Variants in PCDH15 observed in about 807,000 individuals in gnomAD.
PCDH15 encodes protocadherin related 15.
Under a neutral mutation model 178.5 loss-of-function variants are expected in PCDH15, and 129 were observed. The observed-to-expected ratio is 0.72, with a 90% confidence interval of 0.63 to 0.84. PCDH15 has a LOEUF of 0.84. Among genes scored for constraint, PCDH15 ranks in the 40% least tolerant of loss-of-function variants. The pLI is 0.00. For synonymous variants in PCDH15, 800 were observed against 732.0 expected (o/e 1.09, Z -1.50); for missense variants, 2,230 against 2,099.9 (o/e 1.06, Z -1.21).
At chr10:54,394,768 G>T (rs776498591) in intron 3 of PCDH15, among the ~76,000 whole-genome samples, 4 of 152,098 alleles carry the variant, frequency 2.6e-5, no homozygotes, top group Non-Finnish European at 5.9e-5. Flanking sequence ...TTTCATCCCT[G>T]CAGCCTCAAC....
upstream of PCDH15, among the ~76,000 whole-genome samples, chr10:54,802,975 T>C (rs1156743372): frequency 1.3e-5 from 2 of 152,152 alleles, no homozygotes; most frequent in Non-Finnish European, 2.9e-5. Flanking sequence ...AATTACAATA[T>C]CTAGTTTTCA....
At chr10:55,175,840 C>T (rs148527155) in intron 1 of PCDH15, among the ~76,000 whole-genome samples, 355 of 151,750 alleles carry the variant, frequency 2.3e-3, no homozygotes, top group African/African-American at 8.1e-3. Flanking sequence ...GTTTGCAAAC[C>T]CCAGAATCCC....
At chr10:55,250,045 G>A (rs1197109434) in intron 1 of PCDH15, among the ~76,000 whole-genome samples, 1 of 152,062 alleles carries the variant, frequency 6.6e-6, no homozygotes, top group Non-Finnish European at 1.5e-5. Context: ...AGTCTCTAGA[G>A]TCTAAAACAA....
At chr10:53,952,349 G>A (rs1231230772) in intron 23 of PCDH15, among the ~76,000 whole-genome samples, 1 of 152,172 alleles carries the variant, frequency 6.6e-6, no homozygotes. Flanking sequence ...ACCTGAAATA[G>A]GCAGCTCCTA....
intron 2 of PCDH15, among the ~76,000 whole-genome samples, chr10:55,520,783 T>C (rs775371058): frequency 1.6e-4 from 25 of 151,874 alleles, no homozygotes; most frequent in Non-Finnish European, 2.7e-4. Flanking sequence ...TGATTACTCT[T>C]CTGTATTCTT....
At chr10:54,301,787 A>G (rs913881826) in intron 8 of PCDH15, among the ~76,000 whole-genome samples, 2 of 152,200 alleles carry the variant, frequency 1.3e-5, no homozygotes, top group African/African-American at 4.8e-5. Context: ...GGATGAAGGT[A>G]ATTGAGAGGG....
At chr10:54,077,302 A>T (rs1293934030) in intron 17 of PCDH15, among the ~76,000 whole-genome samples, 1 of 152,218 alleles carries the variant, frequency 6.6e-6, no homozygotes, top group Non-Finnish European at 1.5e-5. Flanking sequence ...TAAAATATAC[A>T]AATAAATTAC....
At chr10:53,820,747 A>G (rs963288328) in intron 32 of PCDH15, among the ~76,000 whole-genome samples, 1 of 152,054 alleles carries the variant, frequency 6.6e-6, no homozygotes, top group Non-Finnish European at 1.5e-5. Context: ...AGGAAGGGAC[A>G]TAGATAGTAT....
At chr10:54,970,149 G>C (rs1443558684) in intron 2 of PCDH15, among the ~76,000 whole-genome samples, 2 of 152,172 alleles carry the variant, frequency 1.3e-5, no homozygotes, top group Non-Finnish European at 2.9e-5. Context: ...TGCCATGCAA[G>C]TACACAGTGG....
At chr10:54,112,145 AT>A (rs1197245950) in intron 15 of PCDH15, among the ~76,000 whole-genome samples, 69 of 151,388 alleles carry the variant, frequency 4.6e-4, no homozygotes, top group African/African-American at 1.6e-3. Context: ...CTGTCTCAAA[AT>A]AAATAAATAA....
intron 2 of PCDH15, among the ~76,000 whole-genome samples, chr10:55,344,778 G>C (rs1283620610): frequency 6.6e-6 from 1 of 152,038 alleles, no homozygotes; most frequent in Non-Finnish European, 1.5e-5. Flanking sequence ...AGTAATTACT[G>C]TATGGATTGG....
At chr10:54,031,998 A>AGT (rs1336255383) in intron 18 of PCDH15, among the ~76,000 whole-genome samples, 1 of 151,918 alleles carries the variant, frequency 6.6e-6, no homozygotes, top group East Asian at 1.9e-4. Flanking sequence ...GTATAGGTTG[A>AGT]GTGTGTATAT....
chr10:53,835,441 T>C (rs2077251046), intron 29 of PCDH15, among the ~76,000 whole-genome samples: 1 of 152,134 alleles, frequency 6.6e-6, no homozygotes, highest in Non-Finnish European at 1.5e-5. Flanking sequence ...CAAGAGAATA[T>C]GGCTATTAAC....
intron 5 of PCDH15, among the ~76,000 whole-genome samples, chr10:54,362,740 T>A (rs1418033417): frequency 6.6e-6 from 1 of 151,880 alleles, no homozygotes; most frequent in Non-Finnish European, 1.5e-5. Flanking sequence ...GAGTTTAGTA[T>A]TTCCGGGACA....
intron 11 of PCDH15, among the ~76,000 whole-genome samples, chr10:54,194,943 T>G (rs2049447647): frequency 6.6e-6 from 1 of 152,182 alleles, no homozygotes; most frequent in African/African-American, 2.4e-5. Flanking sequence ...TTTCTCATGA[T>G]GTCAGCAAAT....
At chr10:54,463,118 G>T (rs1346333729) in intron 3 of PCDH15, among the ~76,000 whole-genome samples, 1 of 152,026 alleles carries the variant, frequency 6.6e-6, no homozygotes, top group East Asian at 1.9e-4. Flanking sequence ...ACTCTGTTCA[G>T]TCATTAGAGA....
chr10:53,964,161 C>T lies in PCDH15; in HGVS notation c.2869-2269G>A, dbSNP rs1027850126. On this transcript the variant is annotated intron_variant, in intron 21 of 37. Coordinates refer to ENST00000644397, the MANE Select transcript of PCDH15 (RefSeq NM_001384140.1). ...TAAATTTACCTTCCTCTTCTCCAGG[C>T]GTTCTCTAATACTCCCTTTAAATTA... Among the ~76,000 whole-genome samples, 14 of 152,100 alleles carry T rather than the reference C, an allele frequency of 9.2e-5. No homozygotes were observed. The East Asian group carries it at 1.4e-3, about 15-fold the overall frequency.
chr10:54,429,276 G>T (rs1214702205), intron 3 of PCDH15, among the ~76,000 whole-genome samples: 1 of 151,964 alleles, frequency 6.6e-6, no homozygotes, highest in Non-Finnish European at 1.5e-5. Context: ...CTGAAATAAT[G>T]GTTTGTAAGA....
intron 2 of PCDH15, among the ~76,000 whole-genome samples, chr10:55,604,418 C>A (rs1194292073): frequency 1.3e-5 from 2 of 151,994 alleles, no homozygotes; most frequent in Admixed American, 1.3e-4. Flanking sequence ...ACAGAACTCT[C>A]CACCCCATAT....
Sources: allele counts gnomAD v4.1 joint callset (sites outside exome capture counted in the v4.1 genomes callset), GRCh38; gene constraint gnomAD v4.1.1; transcripts MANE v1.5; gene names NCBI Gene and HGNC (gene_info 2026-07-23, HGNC 2026-07-21).